The following CDH5 variants were observed in gnomAD, a reference collection of about 807,000 sequenced individuals.
CDH5 encodes the protein cadherin-5.
In CDH5, 28 loss-of-function variants were observed where a neutral mutation model predicts 62.0. The ratio of observed to expected loss-of-function variants is 0.45; its 90% CI spans 0.33 to 0.62. The LOEUF (loss-of-function observed/expected upper bound fraction) is 0.62, where lower values mean the gene tolerates loss of function less well. CDH5 is among the 20% of genes least tolerant of loss of function. The pLI, the probability that CDH5 is intolerant of heterozygous loss-of-function variation, is 0.02. For missense variants in CDH5, 940 were observed against 1,065.1 expected (o/e 0.88, Z 1.63); for synonymous variants, 464 against 445.8 (o/e 1.04, Z -0.52).
chr16:66,373,878 A>C (rs1077318), intron 1 of CDH5, among the ~76,000 whole-genome samples: 35,123 of 152,120 alleles, frequency 0.23, 5,124 homozygotes, highest in African/African-American at 0.41. Context: ...GGGAATGATA[A>C]GTCTTACATC....
At position 66,390,534 on chromosome 16, in the gene CDH5, G is replaced by A. The variant is rs771965983; in HGVS notation, c.913G>A (p.Ala305Thr). ...YSILRGDYQD[A>T]FTIETNPAHN... ...CATCTTGCGGGGCGACTACCAGGAC[G>A]CTTTCACCATTGAGACAAACCCCGC... The change falls in exon 6 of 12, where the codon GCT becomes ACT. Residue 305 changes from alanine (A) to threonine (T), a missense_variant. By Grantham distance (58) the Ala-to-Thr change is moderately conservative. Coordinates refer to ENST00000341529, the MANE Select transcript of CDH5 (RefSeq NM_001795.5). 2.7e-5 allele frequency: 43 copies of A among 1,614,000 alleles called. No homozygotes were observed. In the East Asian group the frequency reaches 2.7e-4, roughly 10 times the overall value.
chr16:66,373,225 A>G (rs1016724090), intron 1 of CDH5, among the ~76,000 whole-genome samples: 1 of 152,108 alleles, frequency 6.6e-6, no homozygotes, highest in Non-Finnish European at 1.5e-5. Flanking sequence ...TACCTGCCGA[A>G]AGGAAACAGG....
intron 6 of CDH5, among the ~76,000 whole-genome samples, 181 bp from the exon 7 acceptor site, chr16:66,391,955 C>T (rs1961092190): frequency 6.6e-6 from 1 of 152,202 alleles, no homozygotes. Flanking sequence ...CAGCTGAAGA[C>T]AGACACCAGG....
chr16:66,389,449 G>A lies in CDH5; in HGVS notation c.708G>A (p.Arg236=), dbSNP rs1961043402. 4 of 1,613,150 alleles carry A rather than the reference G, an allele frequency of 2.5e-6. No homozygotes were observed. Among genetic ancestry groups the A allele is most frequent in the Non-Finnish European group, 2.5e-6 (3 of 1,179,576 alleles). Residue 236 remains arginine, a synonymous_variant, in exon 5 of 12, where the codon CGG becomes CGA. Coordinates refer to ENST00000341529, the MANE Select transcript of CDH5 (RefSeq NM_001795.5). ...VVEARDAQGL[R]GDSGTATVLV... is the part of the protein sequence containing the mutation. ...AAGCGCGAGATGCCCAGGGCCTCCG[G>A]GGGGACTCGGGCACGGCCACCGTGC...
In CDH5 at chr16:66,389,849, A is replaced by C. The variant is rs116192980; in HGVS notation, c.781+327A>C. Among the ~76,000 whole-genome samples, 382 of 152,310 alleles carry C rather than the reference A, an allele frequency of 2.5e-3. 1 individual carries two copies. Among genetic ancestry groups the C allele is most frequent in the African/African-American group, 8.5e-3 (355 of 41,568 alleles). On this transcript the variant is annotated intron_variant, in intron 5 of 11. Coordinates refer to ENST00000341529, the MANE Select transcript of CDH5 (RefSeq NM_001795.5). Reference sequence around the variant, plus strand: ...GATCCCATGGGCTTGGGAAAATCAAAGCCCTGAGACTCAGGTCCCAGCTAG... The same window carrying C: ...GATCCCATGGGCTTGGGAAAATCAACGCCCTGAGACTCAGGTCCCAGCTAG...
In CDH5 at chr16:66,398,003, C is replaced by A. The variant is rs756929838; in HGVS notation, c.1382C>A (p.Ser461Tyr). The A allele has an allele frequency of 1.4e-5, 23 of 1,614,040 alleles. No homozygotes were observed. Among genetic ancestry groups the A allele is most frequent in the African/African-American group, 2.7e-5 (2 of 74,932 alleles). The change falls in exon 9 of 12, where the codon TCC becomes TAC. Residue 461 changes from serine to tyrosine, a missense_variant. Ser to Tyr is a moderately radical substitution (Grantham distance 144, BLOSUM62 -2). Coordinates refer to ENST00000341529, the MANE Select transcript of CDH5 (RefSeq NM_001795.5). ...DSTGTPTGKE[S>Y]IVQVHIEVLD... ...GCAGGAACCCCCACAGGAAAAGAATCCATTGTGCAAGTCCACATTGAAGTT... is the reference window on the plus strand; with the variant it reads ...GCAGGAACCCCCACAGGAAAAGAATACATTGTGCAAGTCCACATTGAAGTT...
At chr16:66,401,135 C>G in intron 11 of CDH5, 119 bp downstream of exon 11, 1 of 1,316,318 alleles carries the variant, frequency 7.6e-7, no homozygotes, top group South Asian at 1.3e-5. Context: ...AACCCTGCCT[C>G]CAATCTGCAA....
At chr16:66,399,116 A>G (rs1218659735) in intron 10 of CDH5, among the ~76,000 whole-genome samples, 1 of 152,210 alleles carries the variant, frequency 6.6e-6, no homozygotes, top group African/African-American at 2.4e-5. Flanking sequence ...AAGAGTCAAA[A>G]CTGGAAATGT....
chr16:66,396,444 C>T (rs1344139605), intron 8 of CDH5, among the ~76,000 whole-genome samples: 1 of 152,186 alleles, frequency 6.6e-6, no homozygotes, highest in Admixed American at 6.5e-5. Context: ...GAATCTCATG[C>T]ATGTCACAGT....
At chr16:66,379,708 CGTGGTGGTAGAAGTA>C (rs1960852968) in intron 2 of CDH5, 161 bp downstream of exon 2, 2 of 651,574 alleles carry the variant, frequency 3.1e-6, no homozygotes, top group East Asian at 2.8e-5. Context: ...TGGTAGAGGT[CGTGGTGGTAGAAGTA>C]GTGGTGGTAA....
intron 7 of CDH5, among the ~76,000 whole-genome samples, chr16:66,393,308 G>A (rs1454547697): frequency 6.6e-6 from 1 of 152,118 alleles, no homozygotes; most frequent in Non-Finnish European, 1.5e-5. Context: ...TATTCTACTA[G>A]CTTGTATAAG....
chr16:66,387,813 G>T (rs144428468), intron 3 of CDH5, among the ~76,000 whole-genome samples: 16 of 152,316 alleles, frequency 1.1e-4, no homozygotes, highest in African/African-American at 3.8e-4. Flanking sequence ...ACCAGCCTGG[G>T]CTCTGGGCTC....
intron 1 of CDH5, chr16:66,376,363 T>C (rs1960787210): frequency 6.6e-6 from 1 of 152,148 alleles, no homozygotes; most frequent in Non-Finnish European, 1.5e-5. Flanking sequence ...ATGACTCTAT[T>C]TATCCATCTG....
At chr16:66,382,522 T>C (rs1247540701) in intron 2 of CDH5, among the ~76,000 whole-genome samples, 1 of 152,178 alleles carries the variant, frequency 6.6e-6, no homozygotes, top group Non-Finnish European at 1.5e-5. Flanking sequence ...TAATTGTGCC[T>C]TGAATCAGCC....
rs1961345339 is a variant in CDH5, at chr16:66,404,038, G to GGCAGATGTTCCCGGA, written c.*875_*889dup. The stretch of plus-strand genomic sequence containing the variant: ...ACCCCTCCAGTTTTGCCTGAGAAGG[G>GGCAGATGTTCCCGGA]GCAGATGTTCCCGGAGCAGAAGACG... On this transcript the variant is annotated 3_prime_UTR_variant, in exon 12 of 12. Transcript: ENST00000341529. 1 of 152,474 alleles carries GGCAGATGTTCCCGGA rather than the reference G, an allele frequency of 6.6e-6. No homozygotes were observed. The highest frequency in any genetic ancestry group is 2.4e-5 in the African/African-American group (1 of 41,458). The allele number at this position is 152,474 out of a possible 1,614,324, so 9.4% of individuals were successfully genotyped here. A position where few individuals can be genotyped will look rare whatever the true frequency, so the allele number is the denominator to read the frequency against.
rs1237356879 is a variant in CDH5 at position 66,399,775 on chromosome 16, T to C, written c.1592-996T>C. On this transcript the variant is annotated intron_variant, in intron 10 of 11. Transcript: ENST00000341529. ...CAAGTCTGTTGGTGTCAAATTCACTTATATCATGAACATCCTGCATGTCAA... is the reference window on the plus strand; with the variant it reads ...CAAGTCTGTTGGTGTCAAATTCACTCATATCATGAACATCCTGCATGTCAA... Among the ~76,000 whole-genome samples the C allele has an allele frequency of 2.6e-5, 4 of 152,238 alleles. No individual in the cohort carries two copies. In the East Asian group the frequency reaches 7.7e-4, roughly 29 times the overall value.
At chr16:66,389,042 T>C (rs1961035449) in intron 4 of CDH5, among the ~76,000 whole-genome samples, 2 of 152,234 alleles carry the variant, frequency 1.3e-5, no homozygotes, top group Admixed American at 1.3e-4. Flanking sequence ...GCCACTACTA[T>C]GCTACAGTGC....
At position 66,402,862 on chromosome 16, in the gene CDH5, C is replaced by T; in HGVS notation, c.2048C>T (p.Ser683Phe). The T allele has an allele frequency of 6.2e-7, 1 of 1,606,124 alleles. No homozygotes were observed. Among genetic ancestry groups the T allele is most frequent in the Non-Finnish European group, 8.5e-7 (1 of 1,177,206 alleles). The change falls in exon 12 of 12, where the codon TCC becomes TTC. Residue 683 changes from serine (S) to phenylalanine (F), a missense_variant. Coordinates refer to ENST00000341529, the MANE Select transcript of CDH5 (RefSeq NM_001795.5). ...PPRPALDARP[S>F]LYAQVQKPPR... is the part of the protein sequence containing the mutation. Reference sequence around the variant, plus strand: ...CGGCCCGCGCTGGACGCCCGGCCTTCCCTCTATGCGCAGGTGCAGAAGCCA... The same window carrying T: ...CGGCCCGCGCTGGACGCCCGGCCTTTCCTCTATGCGCAGGTGCAGAAGCCA...
chr16:66,372,138 C>T (rs1266341773), intron 1 of CDH5, among the ~76,000 whole-genome samples: 1 of 152,212 alleles, frequency 6.6e-6, no homozygotes, highest in South Asian at 2.1e-4. Context: ...GGTCCTCAGA[C>T]CCATCAGGGC....
Sources: gnomAD v4.1 joint callset for allele counts (sites outside exome capture counted in the v4.1 genomes callset) on GRCh38, gnomAD v4.1.1 for gene constraint, MANE v1.5 for transcripts, NCBI Gene and HGNC (gene_info 2026-07-23, HGNC 2026-07-21) for gene names.